The following WNK4 variants were observed in gnomAD, a reference collection of about 807,000 sequenced individuals.
WNK4 encodes the protein serine/threonine-protein kinase WNK4.
A neutral mutation model predicts 116.2 loss-of-function variants in WNK4; 94 were observed. That is an observed-to-expected ratio of 0.81 (90% CI 0.68 to 0.96). The LOEUF (loss-of-function observed/expected upper bound fraction) is 0.96, where lower values mean the gene tolerates loss of function less well. Ranked by LOEUF, WNK4 falls within the 40% of genes least tolerant of loss-of-function variation. WNK4 has a pLI of 0.00. For synonymous variants in WNK4, 655 were observed against 672.7 expected, an observed-to-expected ratio of 0.97 and a Z score of 0.41; for missense variants, 1,542 against 1,650.6, an observed-to-expected ratio of 0.93 and a Z score of 1.14.
Position 42,784,221 on chromosome 17 carries a change from ACTCC to A in WNK4, c.1012+70_1012+73del. 6.3e-7 allele frequency: 1 copy of A among 1,591,646 alleles called. No individual in the cohort carries two copies. Among genetic ancestry groups the A allele is most frequent in the Non-Finnish European group, 8.5e-7 (1 of 1,169,952 alleles). The stretch of plus-strand genomic sequence containing the variant: ...CCCCACCTCAGAAGAGAACCTGGGG[ACTCC>A]CTCCCCTCAGCAAGGGCCTTCAAGG... On this transcript the variant is annotated intron_variant, in intron 3 of 18. Coordinates refer to ENST00000246914, the MANE Select transcript of WNK4 (RefSeq NM_032387.5). This position sits in a 1 kb window ranked among gnomAD's most constrained non-coding sequence, Gnocchi z 4.4.
chr17:42,794,072 T>A (rs1053834994), intron 12 of WNK4: 4 of 343,632 alleles, frequency 1.2e-5, no homozygotes, highest in African/African-American at 6.5e-5. Flanking sequence ...GCCAGGCTGG[T>A]CTCGATCTCC....
At position 42,783,865 on chromosome 17, in the gene WNK4, C is replaced by A. The variant is rs767926729; in HGVS notation, c.792-72C>A. On this transcript the variant is annotated intron_variant, in intron 2 of 18. Coordinates refer to ENST00000246914, the MANE Select transcript of WNK4 (RefSeq NM_032387.5). ...GGCAGCAGGGTGCGGCAGGGGGGAA[C>A]TTCCCAGTGGGGGGCTCCTTCCCGG... 3.6e-5 allele frequency: 53 copies of A among 1,457,768 alleles called. No individual in the cohort carries two copies. In the African/African-American group the frequency reaches 7.0e-4, roughly 19 times the overall value. The allele number at this position is 1,457,768 out of a possible 1,614,324, so 90.3% of individuals were successfully genotyped here. A position where few individuals can be genotyped will look rare whatever the true frequency, so the allele number is the denominator to read the frequency against.
At chr17:42,793,828 T>G in intron 12 of WNK4, 99 bp downstream of exon 12, 1 of 1,473,722 alleles carries the variant, frequency 6.8e-7, no homozygotes. Flanking sequence ...TAACTCCTCT[T>G]CATCTCTGGG....
At chr17:42,787,651 C>G (rs951529442) in intron 7 of WNK4, 109 bp downstream of exon 7, 4 of 1,592,638 alleles carry the variant, frequency 2.5e-6, no homozygotes, top group Non-Finnish European at 2.6e-6. Flanking sequence ...CCACCTCTAG[C>G]CATGAAGCTC....
At chr17:42,787,188 C>T in intron 6 of WNK4, 90 bp from the exon 7 acceptor site, 8 of 1,575,592 alleles carry the variant, frequency 5.1e-6, no homozygotes, top group Non-Finnish European at 6.9e-6. Context: ...TTTTCTTCCT[C>T]CCATATCCTG....
intron 7 of WNK4, 91 bp downstream of exon 7, chr17:42,787,633 C>A: frequency 1.3e-6 from 2 of 1,596,176 alleles, no homozygotes; most frequent in South Asian, 2.2e-5. Flanking sequence ...AGTCACTTAC[C>A]CTGCCTTCCA....
chr17:42,786,510 C>T (rs145638172), intron 6 of WNK4, among the ~76,000 whole-genome samples: 88 of 152,218 alleles, frequency 5.8e-4, no homozygotes, highest in African/African-American at 1.9e-3. Flanking sequence ...CTCCTGCCTC[C>T]GCCTCCTGTG....
chr17:42,781,076 G>A lies in WNK4; in HGVS notation c.378G>A (p.Glu126=). 6.2e-7 allele frequency: 1 copy of A among 1,612,844 alleles called. No homozygotes were observed. The highest frequency in any genetic ancestry group is 2.2e-5 in the East Asian group (1 of 44,864). The change falls in exon 1 of 19, where the codon GAG becomes GAA. Residue 126 remains glutamate, a synonymous_variant. Transcript: ENST00000246914. ...VKAAEDSARP[E]LPDSAVGPGS... is the part of the protein sequence containing the mutation. ...CTGCGGAAGACTCCGCGCGTCCCGA[G>A]CTCCCGGACTCTGCAGTGGGCCCGG...
chr17:42,783,866 T>A (rs2054511125), intron 2 of WNK4, 71 bp from the exon 3 acceptor site: 1 of 1,465,884 alleles, frequency 6.8e-7, no homozygotes, highest in Middle Eastern at 1.7e-4. Flanking sequence ...AGGGGGGAAC[T>A]TCCCAGTGGG....
chr17:42,788,767 G>C lies in WNK4; in HGVS notation c.2127G>C (p.Gly709=). 1 of 1,614,116 alleles carries C rather than the reference G, an allele frequency of 6.2e-7. No homozygotes were observed. Among genetic ancestry groups the C allele is most frequent in the Non-Finnish European group, 8.5e-7 (1 of 1,180,014 alleles). Residue 709 remains glycine, a synonymous_variant, in exon 11 of 19, where the codon GGG becomes GGC. Transcript: ENST00000246914. ...KMVTFRFDLD[G]DSPEEIAAAM... ...TGACCTTCCGATTTGATCTGGATGG[G>C]GACAGCCCGGAAGAGATTGCAGCTG...
rs748576518 is a variant in WNK4 at position 42,787,266 on chromosome 17, C to G, written c.1477-12C>G. On this transcript the variant is annotated splice_polypyrimidine_tract_variant and intron_variant, in intron 6 of 18. Coordinates refer to ENST00000246914, the MANE Select transcript of WNK4 (RefSeq NM_032387.5). ...CCCAAGCTGTGTTCCTCATCCCCCA[C>G]CCCAATTCCAGGTGGCTCTGGGCTT... The G allele has an allele frequency of 1.1e-5, 18 of 1,613,594 alleles. No homozygotes were observed. Among genetic ancestry groups the G allele is most frequent in the Non-Finnish European group, 1.5e-5 (18 of 1,180,008 alleles).
chr17:42,782,530 G>A lies in WNK4; in HGVS notation c.619-228G>A, dbSNP rs2054495882. Among the ~76,000 whole-genome samples the A allele has an allele frequency of 1.3e-5, 2 of 152,234 alleles. No individual in the cohort carries two copies. Among genetic ancestry groups the A allele is most frequent in the Admixed American group, 6.5e-5 (1 of 15,292 alleles). On this transcript the variant is annotated intron_variant, in intron 1 of 18. Coordinates refer to ENST00000246914, the MANE Select transcript of WNK4 (RefSeq NM_032387.5). This position sits in a 1 kb window ranked among gnomAD's most constrained non-coding sequence, Gnocchi z 4.2. ...ATAAAGGTGCTTGTGTCCAGCAGGG[G>A]GTCTAGGGGGCTGCCCCAGGCCCAG...
At chr17:42,786,101 C>T (rs1192395501) in intron 6 of WNK4, among the ~76,000 whole-genome samples, 1 of 152,164 alleles carries the variant, frequency 6.6e-6, no homozygotes, top group Non-Finnish European at 1.5e-5. Flanking sequence ...TCTTTGCTAC[C>T]CATCCTGCAT....
At chr17:42,790,047 G>C (rs779517904) in intron 11 of WNK4, among the ~76,000 whole-genome samples, 1 of 152,028 alleles carries the variant, frequency 6.6e-6, no homozygotes, top group Admixed American at 6.6e-5. Flanking sequence ...ACAGTGTAAC[G>C]TGACAGTAGG....
Position 42,782,972 on chromosome 17 carries a change from AT to A in WNK4, c.791+43del, listed in dbSNP as rs2054502181. On this transcript the variant is annotated intron_variant, in intron 2 of 18. Coordinates refer to ENST00000246914, the MANE Select transcript of WNK4 (RefSeq NM_032387.5). This position sits in a 1 kb window ranked among gnomAD's most constrained non-coding sequence, Gnocchi z 4.2. ...AGTGGGTGGGGAGAGGGAGGCTGGG[AT>A]GTGTGCCCACTGCTTCCTGAACTCC... 1 of 1,606,188 alleles carries A rather than the reference AT, an allele frequency of 6.2e-7. No individual in the cohort carries two copies.
chr17:42,796,084 T>A lies in WNK4; in HGVS notation c.3432-39T>A, dbSNP rs756451015. 6 of 1,613,686 alleles carry A rather than the reference T, an allele frequency of 3.7e-6. No homozygotes were observed. In the African/African-American group the frequency reaches 6.7e-5, roughly 18 times the overall value. On this transcript the variant is annotated intron_variant, in intron 16 of 18. Coordinates refer to ENST00000246914, the MANE Select transcript of WNK4 (RefSeq NM_032387.5). Reference sequence around the variant, plus strand: ...GAGAGGAGAACCTGGGAGAGCAAGGTGTGTGGCTAGCCCTTTCATGCCCTC... The same window carrying A: ...GAGAGGAGAACCTGGGAGAGCAAGGAGTGTGGCTAGCCCTTTCATGCCCTC...
chr17:42,794,402 A>C (rs1237277712), intron 12 of WNK4: 1 of 614,604 alleles, frequency 1.6e-6, no homozygotes, highest in African/African-American at 1.8e-5. Context: ...GTGTGCATAC[A>C]TAATATATTT....
intron 11 of WNK4, 130 bp from the exon 12 acceptor site, chr17:42,793,462 G>C (rs527768294): frequency 4.8e-6 from 6 of 1,252,196 alleles, no homozygotes; most frequent in Non-Finnish European, 4.5e-6. Context: ...CGCCCGCCTC[G>C]GCCTCCCAAA....
rs1419051545 is a variant in WNK4 at position 42,782,888 on chromosome 17, TC to T, written c.750del (p.Ile250MetfsTer8). 6.2e-7 allele frequency: 1 copy of T among 1,614,176 alleles called. No homozygotes were observed. The highest frequency in any genetic ancestry group is 1.7e-5 in the Admixed American group (1 of 60,028). On this transcript the variant is annotated frameshift_variant, in exon 2 of 19. Transcript: ENST00000246914. LOFTEE classifies it high-confidence loss of function. This position sits in a 1 kb window ranked among gnomAD's most constrained non-coding sequence, Gnocchi z 4.2. ...WKSVLRGQVC[I>X]VLVTELMTSG... is the part of the protein sequence containing the mutation. ...TCGGTGCTGAGGGGCCAGGTTTGCA[TC>T]GTGCTGGTCACCGAACTCATGACCT...
Sources: gnomAD v4.1 joint callset for allele counts (sites outside exome capture counted in the v4.1 genomes callset) on GRCh38, gnomAD v4.1.1 for gene constraint, Gnocchi (gnomAD v3.1) non-coding constraint, MANE v1.5 for transcripts, NCBI Gene and HGNC (gene_info 2026-07-23, HGNC 2026-07-21) for gene names.